ZNF43: variants seen among roughly 807,000 people sequenced by gnomAD.
The protein encoded by ZNF43 is zinc finger protein 43.
A neutral mutation model predicts 68.4 loss-of-function variants in ZNF43; 44 were observed. The ratio of observed to expected loss-of-function variants is 0.64; its 90% CI spans 0.51 to 0.83. The LOEUF is 0.83. Among genes scored for constraint, ZNF43 ranks in the 40% least tolerant of loss-of-function variants. The pLI is 0.00. For missense variants in ZNF43, 896 were observed against 933.2 expected (o/e 0.96, Z 0.52); for synonymous variants, 308 against 307.8 (o/e 1.00, Z -0.01).
chr19:21,837,253 T>G (rs1430115036), upstream of ZNF43, among the ~76,000 whole-genome samples: 2 of 152,102 alleles, frequency 1.3e-5, no homozygotes, highest in African/African-American at 4.8e-5. Flanking sequence ...AAAGACAATT[T>G]AATCTCAAAT....
chr19:21,838,130 T>C (rs1346394782), upstream of ZNF43: 3 of 152,312 alleles, frequency 2.0e-5, no homozygotes, highest in Non-Finnish European at 4.4e-5. Context: ...TCTTTGGTTC[T>C]CAAGGAATTT....
At chr19:21,827,363 T>C (rs903083196) in intron 1 of ZNF43, 1 of 149,634 alleles carries the variant, frequency 6.7e-6, no homozygotes, top group East Asian at 2.0e-4. Flanking sequence ...AGCTACTATG[T>C]GGTTTTTTTT....
Position 21,841,860 on chromosome 19 carries a change from C to A in ZNF43, c.30+10045G>T, listed in dbSNP as rs528392004. Reference sequence around the variant, plus strand: ...TAGCAGGTGAAGAGAGTCCCATCACCTAGGTGTTGGACTAGCCATATTTTA... The same window carrying A: ...TAGCAGGTGAAGAGAGTCCCATCACATAGGTGTTGGACTAGCCATATTTTA... On this transcript the variant is annotated intron_variant, in intron 1 of 3. Transcript: ENST00000357491. Among the ~76,000 whole-genome samples, 11 of 152,320 alleles carry A rather than the reference C, an allele frequency of 7.2e-5. No individual in the cohort carries two copies. In the East Asian group the frequency reaches 2.1e-3, roughly 29 times the overall value.
At chr19:21,850,363 C>A (rs1174125604) in intron 1 of ZNF43, among the ~76,000 whole-genome samples, 2 of 151,806 alleles carry the variant, frequency 1.3e-5, no homozygotes, top group Non-Finnish European at 2.9e-5. Flanking sequence ...GAGTTCAGAC[C>A]AGCCTGGCCA....
Position 21,807,991 on chromosome 19 carries a change from T to G in ZNF43, c.2046A>C (p.Glu682Asp). ...HTGEKPYKCE[E>D]CGKAFKLSST... ...AGGACAGTTTAAAAGCTTTGCCACA[T>G]TCTTCACATTTGTAGGGTTTCTCTC... The change falls in exon 4 of 4, where the codon GAA (glutamate) becomes GAC (aspartate). Residue 682 changes from glutamate to aspartate, a missense_variant. Coordinates refer to ENST00000354959, the MANE Select transcript of ZNF43 (RefSeq NM_003423.4). The G allele has an allele frequency of 6.2e-7, 1 of 1,612,896 alleles. No homozygotes were observed. The highest frequency in any genetic ancestry group is 8.5e-7 in the Non-Finnish European group (1 of 1,179,874).
At position 21,836,013 on chromosome 19, in the gene ZNF43, G is replaced by A. The variant is rs539908660; in HGVS notation, c.3+23C>T. ...ACGCCACAGCCCCTTCCCCCTCTCG[G>A]GATGTCGGACCGGCACTCTCACCAT... is the stretch of plus-strand genomic sequence containing the variant. On this transcript the variant is annotated intron_variant, in intron 1 of 3. Coordinates refer to ENST00000354959, the MANE Select transcript of ZNF43 (RefSeq NM_003423.4). 17 of 1,613,928 alleles carry A rather than the reference G, an allele frequency of 1.1e-5. No individual in the cohort carries two copies. In the East Asian group the frequency reaches 3.1e-4, roughly 30 times the overall value.
chr19:21,805,532 T>C lies in ZNF43; in HGVS notation c.*2075A>G, dbSNP rs1359892579. ...TACTTGGGAGGCTGAGGCAGGAGAA[T>C]GGAGTGAACCTGGGAGGCGGAGCTT... On this transcript the variant is annotated 3_prime_UTR_variant, in exon 4 of 4. Transcript: ENST00000354959. 6.6e-6 allele frequency: 1 copy of C among 151,164 alleles called. No individual in the cohort carries two copies. The highest frequency in any genetic ancestry group is 1.5e-5 in the Non-Finnish European group (1 of 67,944). 9.4% of individuals were successfully genotyped at this position (151,164 alleles called of 1,614,324 possible).
At chr19:21,837,414 ACTTTT>A (rs1967188478), upstream of ZNF43, among the ~76,000 whole-genome samples, 1 of 103,848 alleles carries the variant, frequency 9.6e-6, no homozygotes, top group African/African-American at 4.2e-5. Context: ...GCCTACACTT[ACTTTT>A]TTTTTTTTTT....
Position 21,805,242 on chromosome 19 carries a change from G to C in ZNF43, c.*2365C>G, listed in dbSNP as rs2036883453. On this transcript the variant is annotated 3_prime_UTR_variant, in exon 4 of 4. Transcript: ENST00000354959. Reference sequence around the variant, plus strand: ...GAACTCTGGGAGGCCGAGGCAGGCAGATCATGAGGTCAGAAGATCGAGACC... The same window carrying C: ...GAACTCTGGGAGGCCGAGGCAGGCACATCATGAGGTCAGAAGATCGAGACC... 1.3e-5 allele frequency: 2 copies of C among 152,102 alleles called. No homozygotes were observed. Among genetic ancestry groups the C allele is most frequent in the African/African-American group, 4.8e-5 (2 of 41,390 alleles). The allele number at this position is 152,102 out of a possible 1,614,324, so 9.4% of individuals were successfully genotyped here. A position where few individuals can be genotyped will look rare whatever the true frequency, so the allele number is the denominator to read the frequency against.
chr19:21,847,038 G>C (rs1968001198), intron 1 of ZNF43, among the ~76,000 whole-genome samples: 1 of 152,138 alleles, frequency 6.6e-6, no homozygotes, highest in Non-Finnish European at 1.5e-5. Flanking sequence ...TGTAAGCAGG[G>C]ACCAGACAGA....
At chr19:21,837,208 G>A (rs954959531), upstream of ZNF43, among the ~76,000 whole-genome samples, 2 of 151,922 alleles carry the variant, frequency 1.3e-5, no homozygotes, top group African/African-American at 4.8e-5. Context: ...CCATGATATA[G>A]TATTACTTGA....
chr19:21,847,413 C>T (rs1261793080), intron 1 of ZNF43, among the ~76,000 whole-genome samples: 1 of 152,108 alleles, frequency 6.6e-6, no homozygotes, highest in Non-Finnish European at 1.5e-5. Context: ...AGTAACATTA[C>T]TGGTCAGGCG....
upstream of ZNF43, among the ~76,000 whole-genome samples, chr19:21,837,491 C>T (rs997171217): frequency 3.9e-5 from 5 of 127,472 alleles, no homozygotes; most frequent in South Asian, 1.0e-3. Flanking sequence ...GTGGCACAAT[C>T]TCGGCTCACT....
At chr19:21,812,327 C>T (rs1227083557) in intron 3 of ZNF43, among the ~76,000 whole-genome samples, 2 of 152,070 alleles carry the variant, frequency 1.3e-5, no homozygotes, top group African/African-American at 4.8e-5. Flanking sequence ...AGGGTTTAAC[C>T]ATGGTCTCGA....
Position 21,809,415 on chromosome 19 carries a change from C to T in ZNF43, c.622G>A (p.Gly208Arg). 1 of 1,613,444 alleles carries T rather than the reference C, an allele frequency of 6.2e-7. No individual in the cohort carries two copies. The highest frequency in any genetic ancestry group is 1.7e-4 in the Middle Eastern group (1 of 6,054). The change falls in exon 4 of 4, where the codon GGA becomes AGA. Residue 208 changes from glycine to arginine, a missense_variant. Physicochemically the swap from Gly to Arg is moderately radical, Grantham distance 125 (BLOSUM62 -2). Coordinates refer to ENST00000354959, the MANE Select transcript of ZNF43 (RefSeq NM_003423.4). ...RVNFCKCEKC[G>R]KAFNCPSIIT... Reference sequence around the variant, plus strand: ...ATTGAAGGGCAGTTAAAAGCTTTTCCACATTTTTCACATTTGCAGAAATTC... The same window carrying T: ...ATTGAAGGGCAGTTAAAAGCTTTTCTACATTTTTCACATTTGCAGAAATTC...
chr19:21,811,709 T>C (rs1038088447), intron 3 of ZNF43, among the ~76,000 whole-genome samples: 4 of 152,126 alleles, frequency 2.6e-5, no homozygotes, highest in African/African-American at 7.2e-5. Context: ...TGAACCCTTC[T>C]GTGTATGATC....
intron 1 of ZNF43, among the ~76,000 whole-genome samples, chr19:21,829,014 A>G (rs1053298281): frequency 3.8e-5 from 5 of 132,122 alleles, no homozygotes; most frequent in African/African-American, 1.5e-4. Context: ...GCCTGGGCGA[A>G]AGAGAGAGAC....
intron 3 of ZNF43, among the ~76,000 whole-genome samples, chr19:21,816,317 T>C (rs1253193281): frequency 6.6e-6 from 1 of 152,126 alleles, no homozygotes. Context: ...CTGGGTTATG[T>C]AGCAAGACCC....
Position 21,808,674 on chromosome 19 carries a change from T to C in ZNF43, c.1363A>G (p.Lys455Glu), listed in dbSNP as rs148377521. The C allele has an allele frequency of 2.9e-4, 461 of 1,613,644 alleles. No homozygotes were observed. The highest frequency in any genetic ancestry group is 2.5e-3 in the African/African-American group (186 of 75,014). ...AAGGCTTTGCCACATACTTCACATT[T>C]GTAGGGTTTCTCTCCAGTATGAATT... ...NRIHTGEKPYKCEVCGKAFNQ... is the reference protein window; with the variant it reads ...NRIHTGEKPYECEVCGKAFNQ... Residue 455 changes from lysine to glutamate, a missense_variant, in exon 4 of 4, where the codon AAA (lysine) becomes GAA (glutamate). By Grantham distance (56) the Lys-to-Glu change is moderately conservative. Coordinates refer to ENST00000354959, the MANE Select transcript of ZNF43 (RefSeq NM_003423.4).
Sources: allele counts gnomAD v4.1 joint callset (sites outside exome capture counted in the v4.1 genomes callset), GRCh38; gene constraint gnomAD v4.1.1; transcripts MANE v1.5; gene names NCBI Gene and HGNC (gene_info 2026-07-23, HGNC 2026-07-21).